CACNA2D3: variants seen among roughly 807,000 people sequenced by gnomAD.
CACNA2D3 encodes the protein calcium voltage-gated channel auxiliary subunit alpha2delta 3.
A neutral mutation model predicts 160.6 loss-of-function variants in CACNA2D3; 60 were observed. That is an observed-to-expected ratio of 0.37 (90% confidence interval 0.30 to 0.46). The LOEUF (loss-of-function observed/expected upper bound fraction) is 0.46. CACNA2D3 is among the 20% of genes least tolerant of loss of function. CACNA2D3 has a pLI of 1.00. For synonymous variants in CACNA2D3, 558 were observed against 492.9 expected, an observed-to-expected ratio of 1.13 and a Z score of -1.75; for missense variants, 1,205 against 1,365.0, an observed-to-expected ratio of 0.88 and a Z score of 1.85.
At chr3:54,194,058 A>T (rs186165659) in intron 2 of CACNA2D3, among the ~76,000 whole-genome samples, 89 of 152,074 alleles carry the variant, frequency 5.9e-4, no homozygotes, top group Middle Eastern at 6.8e-3. Context: ...AATGGTAGAT[A>T]CGAGGGGGCG....
intron 35 of CACNA2D3, among the ~76,000 whole-genome samples, chr3:55,040,391 AAAT>A (rs1290149630): frequency 2.0e-5 from 3 of 152,210 alleles, no homozygotes; most frequent in African/African-American, 7.2e-5. Context: ...CAACATACAA[AAAT>A]AATATTCAAA....
At chr3:54,690,290 AT>A (rs952804856) in intron 11 of CACNA2D3, among the ~76,000 whole-genome samples, 1 of 151,746 alleles carries the variant, frequency 6.6e-6, no homozygotes, top group Non-Finnish European at 1.5e-5. Context: ...AATTTGCTTA[AT>A]TTTTTTTCCC....
intron 13 of CACNA2D3, among the ~76,000 whole-genome samples, chr3:54,803,775 G>A (rs1703050190): frequency 6.6e-6 from 1 of 152,166 alleles, no homozygotes; most frequent in African/African-American, 2.4e-5. Context: ...AAGTGGAAAT[G>A]AAGGAAAAAA....
chr3:54,732,987 T>C (rs1701419293), intron 11 of CACNA2D3, among the ~76,000 whole-genome samples: 1 of 152,240 alleles, frequency 6.6e-6, no homozygotes, highest in Non-Finnish European at 1.5e-5. Context: ...GATCAGAACT[T>C]CTAAAGTGGG....
intron 11 of CACNA2D3, among the ~76,000 whole-genome samples, chr3:54,708,975 A>G (rs1700904225): frequency 6.7e-6 from 1 of 150,368 alleles, no homozygotes; most frequent in Non-Finnish European, 1.5e-5. Flanking sequence ...ACATCTGCTT[A>G]TCAACCCTAA....
chr3:54,285,100 C>A (rs528216864), intron 2 of CACNA2D3, among the ~76,000 whole-genome samples: 2 of 152,156 alleles, frequency 1.3e-5, no homozygotes, highest in African/African-American at 4.8e-5. Context: ...GTGGGTGCAG[C>A]GCACCGTGCG....
chr3:54,615,106 G>T (rs1255324027), intron 9 of CACNA2D3, among the ~76,000 whole-genome samples: 1 of 152,194 alleles, frequency 6.6e-6, no homozygotes, highest in Non-Finnish European at 1.5e-5. Flanking sequence ...CAGTGCAAAA[G>T]AGGAAGCACT....
chr3:54,219,002 A>C (rs998985740), intron 2 of CACNA2D3, among the ~76,000 whole-genome samples: 2 of 152,198 alleles, frequency 1.3e-5, no homozygotes, highest in Non-Finnish European at 2.9e-5. Flanking sequence ...AATATTACTT[A>C]CATATTCACC....
intron 35 of CACNA2D3, among the ~76,000 whole-genome samples, chr3:55,062,864 A>G (rs1253452987): frequency 1.3e-5 from 2 of 152,232 alleles, no homozygotes; most frequent in African/African-American, 4.8e-5. Flanking sequence ...AGAATTTTCT[A>G]CACACTCCAA....
At chr3:55,053,633 A>C (rs532499998) in intron 35 of CACNA2D3, among the ~76,000 whole-genome samples, 6 of 152,112 alleles carry the variant, frequency 3.9e-5, no homozygotes, top group African/African-American at 1.4e-4. Flanking sequence ...ATTGAATTTT[A>C]TATCCTGCAT....
At chr3:54,535,122 C>T (rs1701868271) in intron 5 of CACNA2D3, among the ~76,000 whole-genome samples, 1 of 152,132 alleles carries the variant, frequency 6.6e-6, no homozygotes, top group South Asian at 2.1e-4. Flanking sequence ...TTTTTATAGC[C>T]TGGAACAGTG....
chr3:54,974,340 GGTGCTAT>G (rs1702336403), intron 29 of CACNA2D3, among the ~76,000 whole-genome samples: 1 of 152,148 alleles, frequency 6.6e-6, no homozygotes, highest in African/African-American at 2.4e-5. Flanking sequence ...TGAAATAGTT[GGTGCTAT>G]CTCCATCTTT....
chr3:54,629,754 A>G (rs555581720), intron 10 of CACNA2D3, among the ~76,000 whole-genome samples: 1 of 152,276 alleles, frequency 6.6e-6, no homozygotes, highest in Admixed American at 6.5e-5. Flanking sequence ...GGTGATATTG[A>G]AAAGACCTGT....
chr3:54,696,821 T>A (rs1301222212), intron 11 of CACNA2D3, among the ~76,000 whole-genome samples: 1 of 152,232 alleles, frequency 6.6e-6, no homozygotes, highest in East Asian at 1.9e-4. Context: ...TTAAAAATCA[T>A]CCTTGCTTAC....
intron 13 of CACNA2D3, among the ~76,000 whole-genome samples, chr3:54,773,107 T>C (rs1702349424): frequency 6.6e-6 from 1 of 152,234 alleles, no homozygotes; most frequent in Non-Finnish European, 1.5e-5. Flanking sequence ...ACCAATTTAG[T>C]TGCATTTGCA....
intron 3 of CACNA2D3, among the ~76,000 whole-genome samples, chr3:54,354,258 G>A (rs1471102880): frequency 6.6e-6 from 1 of 152,140 alleles, no homozygotes; most frequent in Non-Finnish European, 1.5e-5. Context: ...CTCACACAGG[G>A]AATTAAGGAG....
chr3:54,693,870 C>T (rs991585403), intron 11 of CACNA2D3, among the ~76,000 whole-genome samples: 13 of 151,660 alleles, frequency 8.6e-5, no homozygotes, highest in Admixed American at 3.9e-4. Context: ...TACAGCTGTA[C>T]GATGTGTTTA....
chr3:54,792,291 G>T (rs1279106407), intron 13 of CACNA2D3, among the ~76,000 whole-genome samples: 1 of 152,148 alleles, frequency 6.6e-6, no homozygotes, highest in Non-Finnish European at 1.5e-5. Context: ...CTCTCACTCA[G>T]TCCCTTTGGT....
rs536821569 is a variant in CACNA2D3, at chr3:54,583,361, A to G, written c.963+1484A>G. Among the ~76,000 whole-genome samples, 17 of 152,320 alleles carry G rather than the reference A, an allele frequency of 1.1e-4. 1 individual carries two copies. The highest frequency in any genetic ancestry group is 3.6e-4 in the African/African-American group (15 of 41,580). ...AAGAAATTATTCTAAATTGCCTTTG[A>G]GTTTATGGATATTGAAGACTGGAAT... On this transcript the variant is annotated intron_variant, in intron 9 of 37. Coordinates refer to ENST00000474759, the MANE Select transcript of CACNA2D3 (RefSeq NM_018398.3).
Sources: allele counts gnomAD v4.1 joint callset (sites outside exome capture counted in the v4.1 genomes callset), GRCh38; gene constraint gnomAD v4.1.1; transcripts MANE v1.5; gene names NCBI Gene and HGNC (gene_info 2026-07-23, HGNC 2026-07-21).